Variants in DICER1 observed in about 807,000 individuals in gnomAD.
DICER1 encodes endoribonuclease Dicer.
In DICER1, 43 loss-of-function variants were observed where a neutral mutation model predicts 194.1. The observed-to-expected ratio is 0.22, with a 90% CI of 0.17 to 0.29. The LOEUF (loss-of-function observed/expected upper bound fraction) is 0.29, where lower values mean the gene tolerates loss of function less well. Ranked by LOEUF, DICER1 falls within the 10% of genes least tolerant of loss-of-function variation. The pLI, the probability that DICER1 is intolerant of heterozygous loss-of-function variation, is 1.00. For missense variants in DICER1, 1,608 were observed against 2,317.0 expected, an observed-to-expected ratio of 0.69 and a Z score of 6.28; for synonymous variants, 832 against 820.5, an observed-to-expected ratio of 1.01 and a Z score of -0.24.
intron 22 of DICER1, 121 bp from the exon 23 acceptor site, chr14:95,096,834 C>T (rs1890400971): frequency 8.4e-7 from 1 of 1,183,988 alleles, no homozygotes; most frequent in African/African-American, 1.5e-5. Context: ...TACTAAAAGG[C>T]AACTTTAAAA....
chr14:95,123,286 T>C (rs1442349231), intron 8 of DICER1, among the ~76,000 whole-genome samples: 2 of 152,192 alleles, frequency 1.3e-5, no homozygotes, highest in Non-Finnish European at 2.9e-5. Flanking sequence ...AAAATTTGGA[T>C]TCAATATCAC....
rs1889593781 is a variant in DICER1 at position 95,089,381 on chromosome 14, A to T, written c.*1117T>A. ...GCAACATTATGAAAAGTATAGTAAG[A>T]AATTTATGTGAGGAGACTAAGGGTA... On this transcript the variant is annotated 3_prime_UTR_variant, in exon 27 of 27. Transcript: ENST00000343455. The T allele has an allele frequency of 4.3e-6, 1 of 232,936 alleles. No individual in the cohort carries two copies. The highest frequency in any genetic ancestry group is 8.5e-6 in the Non-Finnish European group (1 of 117,922). 14.4% of individuals were successfully genotyped at this position (232,936 alleles called of 1,614,324 possible).
At chr14:95,150,853 T>G (rs1441793021) in intron 1 of DICER1, among the ~76,000 whole-genome samples, 3 of 152,160 alleles carry the variant, frequency 2.0e-5, no homozygotes, top group African/African-American at 7.2e-5. Context: ...AGTACAAAAC[T>G]TGAATCTATT....
chr14:95,127,867 T>C (rs548071507), intron 6 of DICER1, among the ~76,000 whole-genome samples: 2 of 152,360 alleles, frequency 1.3e-5, no homozygotes, highest in Admixed American at 6.5e-5. Flanking sequence ...CCTTAGGCAT[T>C]TGTCAGAATG....
chr14:95,112,288 C>T (rs1892047790), intron 12 of DICER1, 41 bp from the exon 13 acceptor site: 1 of 1,501,572 alleles, frequency 6.7e-7, no homozygotes, highest in South Asian at 1.1e-5. Flanking sequence ...ATGCACATCG[C>T]TGTATTACCT....
intron 1 of DICER1, among the ~76,000 whole-genome samples, chr14:95,149,867 A>T (rs1045685734): frequency 2.0e-5 from 3 of 152,248 alleles, no homozygotes; most frequent in Admixed American, 2.0e-4. Flanking sequence ...TAAACAACCC[A>T]AATTATTTCA....
At position 95,103,907 on chromosome 14, in the gene DICER1, C is replaced by T. The variant is rs769091854; in HGVS notation, c.3489G>A (p.Lys1163=). The change falls in exon 21 of 27, where the codon AAG becomes AAA. Residue 1163 remains lysine, a synonymous_variant. Transcript: ENST00000343455. Reference sequence around the variant, plus strand: ...GATCTGCTGAAACTTCAACGTGGAGCTTACCAGGGGACTCGCTGAGCAACG... The same window carrying T: ...GATCTGCTGAAACTTCAACGTGGAGTTTACCAGGGGACTCGCTGAGCAACG... ...CRTLLSESPG[K]LHVEVSADLT... The T allele has an allele frequency of 8.7e-6, 14 of 1,614,178 alleles. No individual in the cohort carries two copies. Among genetic ancestry groups the T allele is most frequent in the East Asian group, 2.2e-5 (1 of 44,870 alleles).
At position 95,103,812 on chromosome 14, in the gene DICER1, T is replaced by A; in HGVS notation, c.3584A>T (p.Asp1195Val). 1 of 1,614,208 alleles carries A rather than the reference T, an allele frequency of 6.2e-7. No individual in the cohort carries two copies. Among genetic ancestry groups the A allele is most frequent in the Non-Finnish European group, 8.5e-7 (1 of 1,180,026 alleles). ...ANGSYDLANRDFCQGNQLNYY... is the reference protein window; with the variant it reads ...ANGSYDLANRVFCQGNQLNYY... ...ATTTAGCTGATTTCCTTGGCAAAAG[T>A]CTCTGTTAGCTAAATCATAACTGCC... Residue 1195 changes from aspartate to valine, a missense_variant, in exon 21 of 27, where the codon GAC becomes GTC. Transcript: ENST00000343455.
At chr14:95,137,426 T>G (rs1355089330) in intron 1 of DICER1, among the ~76,000 whole-genome samples, 5 of 94,312 alleles carry the variant, frequency 5.3e-5, no homozygotes, top group African/African-American at 1.3e-4. Flanking sequence ...GGGAAGGGAA[T>G]AAGAGGAAGG....
chr14:95,131,672 G>T, intron 3 of DICER1, 33 bp from the exon 4 acceptor site: 2 of 1,607,260 alleles, frequency 1.2e-6, no homozygotes, highest in South Asian at 2.2e-5. Context: ...ATGTAAATAT[G>T]AGAAATCTTG....
chr14:95,090,869 A>C, intron 26 of DICER1, 165 bp downstream of exon 26: 1 of 960,676 alleles, frequency 1.0e-6, no homozygotes, highest in African/African-American at 1.6e-5. Flanking sequence ...ATTTCATAAA[A>C]ACAGAAGGAA....
rs1279527622 is a variant in DICER1 at position 95,132,788 on chromosome 14, CA to C, written c.145-112del. On this transcript the variant is annotated intron_variant, in intron 2 of 26. Coordinates refer to ENST00000343455, the MANE Select transcript of DICER1 (RefSeq NM_177438.3). ...TTCACTATTCTCTAAAATCGTCCTC[CA>C]ATAAATTTACAAAAAAAACCCCACA... 10 of 1,091,148 alleles carry C rather than the reference CA, an allele frequency of 9.2e-6. No individual in the cohort carries two copies. The Admixed American group carries it at 1.5e-4, about 16-fold the overall frequency. The allele number at this position is 1,091,148 out of a possible 1,614,324, so 67.6% of individuals were successfully genotyped here.
chr14:95,119,883 T>C (rs963048912), intron 8 of DICER1, among the ~76,000 whole-genome samples: 2 of 152,248 alleles, frequency 1.3e-5, no homozygotes, highest in African/African-American at 4.8e-5. Flanking sequence ...ATGCTTCTTC[T>C]CAATCTTTGT....
chr14:95,156,925 G>A (rs1002658709), intron 1 of DICER1, among the ~76,000 whole-genome samples: 4 of 152,080 alleles, frequency 2.6e-5, no homozygotes, highest in Non-Finnish European at 4.4e-5. Context: ...CCGGGGAGTG[G>A]ACAGGCGCCG....
intron 6 of DICER1, 117 bp from the exon 7 acceptor site, chr14:95,126,865 T>G (rs979435914): frequency 3.4e-6 from 2 of 595,596 alleles, no homozygotes; most frequent in Non-Finnish European, 2.8e-6. Context: ...AAAAAAAAAA[T>G]GCCAGAATGT....
chr14:95,110,494 T>C (rs897000670), intron 14 of DICER1, among the ~76,000 whole-genome samples: 3 of 151,962 alleles, frequency 2.0e-5, no homozygotes, highest in African/African-American at 7.3e-5. Flanking sequence ...CAACCCCACA[T>C]AGAGACAGTG....
At chr14:95,109,991 T>A (rs1343022477) in intron 14 of DICER1, among the ~76,000 whole-genome samples, 1 of 152,220 alleles carries the variant, frequency 6.6e-6, no homozygotes, top group East Asian at 1.9e-4. Flanking sequence ...TTAAAAAGCA[T>A]AATATATGCT....
intron 8 of DICER1, among the ~76,000 whole-genome samples, chr14:95,118,221 A>G (rs935430043): frequency 6.6e-6 from 1 of 152,186 alleles, no homozygotes; most frequent in African/African-American, 2.4e-5. Context: ...TGCAGGCCCT[A>G]CTGTGCTTAT....
At chr14:95,102,646 AG>A (rs1487898751) in intron 21 of DICER1, among the ~76,000 whole-genome samples, 1 of 152,034 alleles carries the variant, frequency 6.6e-6, no homozygotes, top group Non-Finnish European at 1.5e-5. Flanking sequence ...CAGCTTTCTA[AG>A]GTATTTGTCC....
Sources: allele counts gnomAD v4.1 joint callset (sites outside exome capture counted in the v4.1 genomes callset), GRCh38; gene constraint gnomAD v4.1.1; transcripts MANE v1.5; gene names NCBI Gene and HGNC (gene_info 2026-07-23, HGNC 2026-07-21).